The following CCBE1 variants were observed in gnomAD, a reference collection of about 807,000 sequenced individuals.
CCBE1 encodes collagen and calcium-binding EGF domain-containing protein 1.
In CCBE1, 37 loss-of-function variants were observed where a neutral mutation model predicts 50.0. The observed-to-expected ratio is 0.74, with a 90% CI of 0.57 to 0.97. CCBE1 has a LOEUF of 0.97. Ranked by LOEUF, CCBE1 falls within the 50% of genes least tolerant of loss-of-function variation. CCBE1 has a pLI of 0.00. For missense variants in CCBE1, 538 were observed against 523.8 expected, an observed-to-expected ratio of 1.03 and a Z score of -0.26; for synonymous variants, 234 against 203.7, an observed-to-expected ratio of 1.15 and a Z score of -1.27.
At chr18:59,457,085 T>C (rs1475859446) in intron 5 of CCBE1, among the ~76,000 whole-genome samples, 1 of 152,214 alleles carries the variant, frequency 6.6e-6, no homozygotes, top group Non-Finnish European at 1.5e-5. Context: ...TTTGAATGTG[T>C]CATCGGAGAA....
chr18:59,680,573 C>T (rs1415573731), intron 2 of CCBE1, among the ~76,000 whole-genome samples: 1 of 151,834 alleles, frequency 6.6e-6, no homozygotes, highest in Non-Finnish European at 1.5e-5. Context: ...TGGCGGGCGC[C>T]TGTAGTCCCA....
Position 59,438,134 on chromosome 18 carries a change from C to T in CCBE1, c.964G>A (p.Ala322Thr). 1 of 1,614,140 alleles carries T rather than the reference C, an allele frequency of 6.2e-7. No homozygotes were observed. Among genetic ancestry groups the T allele is most frequent in the Non-Finnish European group, 8.5e-7 (1 of 1,180,034 alleles). Reference sequence around the variant, plus strand: ...ACTGGAGACCCTCTGGGCCCAGGCGCTCCTCTCTCCCCCTAAAAACAGAAA... The same window carrying T: ...ACTGGAGACCCTCTGGGCCCAGGCGTTCCTCTCTCCCCCTAAAAACAGAAA... ...GRDGSKGERG[A>T]PGPRGSPGPP... The change falls in exon 10 of 11, where the codon GCG becomes ACG. Residue 322 changes from alanine (A) to threonine (T), a missense_variant. By Grantham distance (58) the Ala-to-Thr change is moderately conservative. Coordinates refer to ENST00000439986, the MANE Select transcript of CCBE1 (RefSeq NM_133459.4).
At chr18:59,696,490 C>T in intron 2 of CCBE1, 139 bp downstream of exon 2, 2 of 1,531,900 alleles carry the variant, frequency 1.3e-6, no homozygotes, top group South Asian at 1.2e-5. Context: ...ATTCGCACCG[C>T]GCGGCACGCA....
chr18:59,536,888 A>G (rs1192321011), intron 2 of CCBE1, among the ~76,000 whole-genome samples: 2 of 151,170 alleles, frequency 1.3e-5, no homozygotes, highest in African/African-American at 4.9e-5. Context: ...GCTACTCGGG[A>G]GGCTGAGGCA....
At chr18:59,491,944 G>A (rs1913124391) in intron 2 of CCBE1, among the ~76,000 whole-genome samples, 1 of 150,220 alleles carries the variant, frequency 6.7e-6, no homozygotes, top group African/African-American at 2.4e-5. Flanking sequence ...TCAGGAGTTC[G>A]AGACCAGCCT....
Position 59,497,981 on chromosome 18 carries a change from T to C in CCBE1, c.213-17743A>G, listed in dbSNP as rs139269102. On this transcript the variant is annotated intron_variant, in intron 2 of 10. Transcript: ENST00000439986. ...CATGCTGGCTGACTGGTCGTTAAGATAGGGTCTGGAGAGACCAGAGTAAGC... is the reference window on the plus strand; with the variant it reads ...CATGCTGGCTGACTGGTCGTTAAGACAGGGTCTGGAGAGACCAGAGTAAGC... 3.3e-3 allele frequency among the ~76,000 whole-genome samples: 495 copies of C among 152,248 alleles called. 3 individuals are homozygous for C. Among genetic ancestry groups the C allele is most frequent in the African/African-American group, 0.011 (475 of 41,554 alleles).
chr18:59,557,674 A>C (rs1157004814), intron 2 of CCBE1, among the ~76,000 whole-genome samples: 1 of 152,192 alleles, frequency 6.6e-6, no homozygotes, highest in African/African-American at 2.4e-5. Context: ...GGTATAACCA[A>C]GTAACCAATG....
At position 59,483,529 on chromosome 18, in the gene CCBE1, T is replaced by C. The variant is rs566749514; in HGVS notation, c.213-3291A>G. ...ATCAATTTGCTGCACTACAATTTGG[T>C]CTGCCAGGTAAATTAACATTCCTAG... On this transcript the variant is annotated intron_variant, in intron 2 of 10. Transcript: ENST00000439986. Among the ~76,000 whole-genome samples, 17 of 152,352 alleles carry C rather than the reference T, an allele frequency of 1.1e-4. No individual in the cohort carries two copies. The East Asian group carries it at 3.1e-3, about 28-fold the overall frequency.
At chr18:59,599,929 G>A (rs915808115) in intron 2 of CCBE1, among the ~76,000 whole-genome samples, 1 of 152,068 alleles carries the variant, frequency 6.6e-6, no homozygotes, top group African/African-American at 2.4e-5. Flanking sequence ...TGTCACCCCT[G>A]GCTCACTTCC....
At chr18:59,589,245 T>C (rs1265877374) in intron 2 of CCBE1, among the ~76,000 whole-genome samples, 2 of 152,178 alleles carry the variant, frequency 1.3e-5, no homozygotes, top group African/African-American at 4.8e-5. Flanking sequence ...TAGGAGAGGA[T>C]AGTTCATCAA....
At chr18:59,539,015 A>G (rs1915360219) in intron 2 of CCBE1, among the ~76,000 whole-genome samples, 2 of 152,062 alleles carry the variant, frequency 1.3e-5, no homozygotes. Context: ...CCATCTCTAG[A>G]AAAGTAAAAA....
intron 2 of CCBE1, among the ~76,000 whole-genome samples, chr18:59,498,514 T>G (rs541499720): frequency 1.3e-5 from 2 of 152,242 alleles, no homozygotes; most frequent in East Asian, 3.8e-4. Flanking sequence ...CTATGCATTT[T>G]ATGGAATTAG....
At chr18:59,512,463 G>A (rs1364235502) in intron 2 of CCBE1, among the ~76,000 whole-genome samples, 1 of 152,248 alleles carries the variant, frequency 6.6e-6, no homozygotes, top group African/African-American at 2.4e-5. Context: ...CCTGCAAGGG[G>A]GTACAAGGGA....
intron 5 of CCBE1, among the ~76,000 whole-genome samples, chr18:59,456,868 C>T (rs1364912761): frequency 6.6e-6 from 1 of 152,204 alleles, no homozygotes; most frequent in East Asian, 1.9e-4. Context: ...TGTGCACCTT[C>T]AGCACAGCAG....
chr18:59,512,805 C>T (rs1914190595), intron 2 of CCBE1, among the ~76,000 whole-genome samples: 2 of 152,214 alleles, frequency 1.3e-5, no homozygotes, highest in Admixed American at 1.3e-4. Flanking sequence ...AGACAAAGAG[C>T]AGGCCCACGG....
intron 2 of CCBE1, among the ~76,000 whole-genome samples, chr18:59,501,428 T>C (rs1913616054): frequency 6.6e-6 from 1 of 152,094 alleles, no homozygotes; most frequent in South Asian, 2.1e-4. Context: ...CAAAACTGAG[T>C]GAGTGGCCAG....
intron 7 of CCBE1, among the ~76,000 whole-genome samples, chr18:59,445,883 G>A (rs1271612429): frequency 6.6e-6 from 1 of 152,192 alleles, no homozygotes; most frequent in Non-Finnish European, 1.5e-5. Context: ...GTATGACAGT[G>A]GAGGCCAGAA....
chr18:59,626,847 G>T (rs764365159), intron 2 of CCBE1, among the ~76,000 whole-genome samples: 1 of 152,232 alleles, frequency 6.6e-6, no homozygotes, highest in Non-Finnish European at 1.5e-5. Flanking sequence ...GCCTGGAGGG[G>T]TTAAGGGTTG....
At chr18:59,620,128 AAG>A (rs1251025062) in intron 2 of CCBE1, among the ~76,000 whole-genome samples, 5 of 152,164 alleles carry the variant, frequency 3.3e-5, no homozygotes, top group Middle Eastern at 3.2e-3. Flanking sequence ...CATGCAGAAA[AAG>A]AGACACAGTT....
Sources: allele counts gnomAD v4.1 joint callset (sites outside exome capture counted in the v4.1 genomes callset), GRCh38; gene constraint gnomAD v4.1.1; transcripts MANE v1.5; gene names NCBI Gene and HGNC (gene_info 2026-07-23, HGNC 2026-07-21).